Variants in ANO1 observed in about 807,000 individuals in gnomAD.
ANO1 encodes anoctamin-1.
In ANO1, 59 loss-of-function variants were observed where a neutral mutation model predicts 124.0. The observed-to-expected ratio is 0.48, with a 90% CI of 0.39 to 0.59. ANO1 has a LOEUF of 0.59. ANO1 is among the 20% of genes least tolerant of loss of function. The probability of loss-of-function intolerance (pLI) is 0.00; values close to 1 mark genes in which losing one functional copy is unlikely to be tolerated. For synonymous variants in ANO1, 529 were observed against 532.0 expected (o/e 0.99, Z 0.08); for missense variants, 1,059 against 1,328.0 (o/e 0.80, Z 3.15).
intron 23 of ANO1, among the ~76,000 whole-genome samples, chr11:70,180,828 G>T (rs759455917): frequency 2.6e-5 from 4 of 152,218 alleles, no homozygotes; most frequent in Non-Finnish European, 5.9e-5. Flanking sequence ...GCTCTGTAGA[G>T]AAGGTTTGGG....
chr11:70,068,679 C>T (rs781908230), intron 1 of ANO1, among the ~76,000 whole-genome samples: 3 of 152,132 alleles, frequency 2.0e-5, no homozygotes, highest in African/African-American at 7.2e-5. Flanking sequence ...AGGAGGAGGC[C>T]ATTAGCCTAT....
chr11:69,984,676 T>TGTCCTCCAGGGGGAGGGG (rs1251603333), upstream of ANO1, among the ~76,000 whole-genome samples: 2 of 152,196 alleles, frequency 1.3e-5, no homozygotes, highest in African/African-American at 4.8e-5. Flanking sequence ...CGCGGGGATG[T>TGTCCTCCAGGGGGAGGGG]GGTCTGTCCT....
rs2045594066 is a variant in ANO1 at position 70,107,487 on chromosome 11, A to AGCAGT, written c.748-865_748-864insCAGTG. ...TTGTTGGGACAGGTGGGTCCAGTGG[A>AGCAGT]GGCGGCGGGGCGGGGAAGCGGTCAG... On this transcript the variant is annotated intron_variant, in intron 5 of 25. Transcript: ENST00000355303. 1.0e-4 allele frequency among the ~76,000 whole-genome samples: 4 copies of AGCAGT among 39,900 alleles called. 1 individual carries two copies. The highest frequency in any genetic ancestry group is 2.2e-4 in the Non-Finnish European group (4 of 18,356). The allele number at this position is 39,900 out of a possible 152,430, so 26.2% of individuals were successfully genotyped here.
At chr11:70,155,764 C>T in intron 14 of ANO1, 147 bp from the exon 15 acceptor site, 1 of 644,370 alleles carries the variant, frequency 1.6e-6, no homozygotes, top group Middle Eastern at 4.2e-4. Flanking sequence ...CGCCCAGAAC[C>T]CGAGTCAGCC....
At chr11:70,137,718 C>T (rs1028207019) in intron 11 of ANO1, among the ~76,000 whole-genome samples, 6 of 146,784 alleles carry the variant, frequency 4.1e-5, no homozygotes, top group African/African-American at 1.5e-4. Context: ...GGCTCAGGTT[C>T]AAATCCCAGC....
intron 5 of ANO1, among the ~76,000 whole-genome samples, chr11:70,107,490 C>CGGGGGGGGGGGGGGG (rs1432604573): frequency 4.0e-4 from 26 of 64,352 alleles, no homozygotes; most frequent in Admixed American, 1.0e-3. Context: ...CCAGTGGAGG[C>CGGGGGGGGGGGGGGG]GGCGGGGCGG....
chr11:70,160,569 C>G (rs905825037), intron 16 of ANO1, among the ~76,000 whole-genome samples: 4 of 152,056 alleles, frequency 2.6e-5, no homozygotes, highest in Non-Finnish European at 4.4e-5. Flanking sequence ...GAGAAGGGAC[C>G]CAAAGCATCT....
chr11:70,010,179 G>GTGTGTATA, intron 1 of ANO1, among the ~76,000 whole-genome samples: 1 of 83,776 alleles, frequency 1.2e-5, no homozygotes, highest in South Asian at 4.7e-4. Context: ...GTGTGTGTGT[G>GTGTGTATA]TATATATATA....
At chr11:70,085,327 G>GTT in intron 1 of ANO1, 1 of 1,352,974 alleles carries the variant, frequency 7.4e-7, no homozygotes, top group Non-Finnish European at 9.7e-7. Context: ...TTCCCCCTGA[G>GTT]CCCTCCCAAG....
chr11:70,117,657 C>A (rs1335925958), intron 8 of ANO1, among the ~76,000 whole-genome samples: 2 of 152,188 alleles, frequency 1.3e-5, no homozygotes, highest in Non-Finnish European at 2.9e-5. Flanking sequence ...GGGAAGCAGT[C>A]CTTCCTGGAC....
At chr11:69,969,084 G>T in the ANO1 span, among the ~76,000 whole-genome samples, 1 of 152,142 alleles carries the variant, frequency 6.6e-6, no homozygotes, top group Non-Finnish European at 1.5e-5. Flanking sequence ...GGTCTTTCTT[G>T]GTGGCTGCTG....
At chr11:70,098,742 C>T (rs912979597) in intron 2 of ANO1, among the ~76,000 whole-genome samples, 7 of 152,168 alleles carry the variant, frequency 4.6e-5, no homozygotes, top group Non-Finnish European at 7.3e-5. Context: ...GTGGCCAAGA[C>T]TGGATGATAG....
intron 1 of ANO1, among the ~76,000 whole-genome samples, chr11:70,030,185 G>A (rs1856976416): frequency 6.6e-6 from 1 of 152,252 alleles, no homozygotes; most frequent in African/African-American, 2.4e-5. Context: ...TGAGATGACC[G>A]AAGACGCCTT....
the ANO1 span, among the ~76,000 whole-genome samples, chr11:69,968,458 G>T: frequency 2.0e-5 from 3 of 152,232 alleles, no homozygotes; most frequent in Non-Finnish European, 4.4e-5. Flanking sequence ...TTTATTTTTG[G>T]TTTGTTCTCG....
At chr11:70,139,558 A>G (rs2047074102) in intron 11 of ANO1, among the ~76,000 whole-genome samples, 1 of 152,188 alleles carries the variant, frequency 6.6e-6, no homozygotes, top group Admixed American at 6.5e-5. Flanking sequence ...TCCTGACCTC[A>G]GGTGATCTGC....
chr11:70,185,637 T>A lies in ANO1; in HGVS notation c.2636T>A (p.Ile879Asn), dbSNP rs1164918550. The A allele has an allele frequency of 6.2e-7, 1 of 1,613,908 alleles. No homozygotes were observed. Among genetic ancestry groups the A allele is most frequent in the Admixed American group, 1.7e-5 (1 of 60,018 alleles). The change falls in exon 25 of 26, where the codon ATC (isoleucine) becomes AAC (asparagine). Residue 879 changes from isoleucine to asparagine, a missense_variant. Ile to Asn is a moderately radical substitution (Grantham distance 149). This residue lies in a region of ANO1 where 809 missense variants were observed against 1,094.9 expected (regional missense o/e 0.74). Coordinates refer to ENST00000355303, the MANE Select transcript of ANO1 (RefSeq NM_018043.7). ...EPPWSENKYD[I>N]SKDFWAVLAA... ...CCGTGGTCGGAAAACAAGTACGACA[T>A]CTCCAAGGACTTCTGGGCCGTCCTG... is the stretch of plus-strand genomic sequence containing the variant.
chr11:70,065,163 C>A (rs1349490159), intron 1 of ANO1: 1 of 152,116 alleles, frequency 6.6e-6, no homozygotes, highest in Admixed American at 6.5e-5. Flanking sequence ...TATGAAGGAG[C>A]AATCCTGTTT....
chr11:70,036,548 T>A (rs1404621696), intron 1 of ANO1, among the ~76,000 whole-genome samples: 2 of 151,788 alleles, frequency 1.3e-5, no homozygotes, highest in Non-Finnish European at 2.9e-5. Flanking sequence ...CTGAGGACCC[T>A]CTCTCTTCTA....
At chr11:69,968,988 C>T in the ANO1 span, among the ~76,000 whole-genome samples, 1 of 152,228 alleles carries the variant, frequency 6.6e-6, no homozygotes, top group Admixed American at 6.5e-5. Flanking sequence ...GTTCTCAGAG[C>T]CTGGATTACA....
Sources: gnomAD v4.1 joint callset for allele counts (sites outside exome capture counted in the v4.1 genomes callset) on GRCh38, gnomAD v4.1.1 for gene constraint, gnomAD v4.1.1 regional missense constraint, MANE v1.5 for transcripts, NCBI Gene and HGNC (gene_info 2026-07-23, HGNC 2026-07-21) for gene names.